The following GRID1 variants were observed in gnomAD, a reference collection of about 807,000 sequenced individuals.
GRID1 encodes glutamate ionotropic receptor delta type subunit 1, also known as glutamate receptor ionotropic, delta-1.
In GRID1, 28 loss-of-function variants were observed where a neutral mutation model predicts 98.0. The observed-to-expected ratio is 0.29, with a 90% CI of 0.21 to 0.39. The LOEUF (loss-of-function observed/expected upper bound fraction) is 0.39, where lower values mean the gene tolerates loss of function less well. Among genes scored for constraint, GRID1 ranks in the 10% least tolerant of loss-of-function variants. GRID1 has a pLI of 1.00. For missense variants in GRID1, 1,111 were observed against 1,340.5 expected, an observed-to-expected ratio of 0.83 and a Z score of 2.67; for synonymous variants, 553 against 538.5, an observed-to-expected ratio of 1.03 and a Z score of -0.37.
chr10:86,076,714 C>T (rs1404200274), intron 4 of GRID1, among the ~76,000 whole-genome samples: 1 of 152,128 alleles, frequency 6.6e-6, no homozygotes, highest in Admixed American at 6.5e-5. Context: ...TTAGGTGAGG[C>T]CCACCCACAT....
chr10:85,686,765 T>C (rs1289967028), intron 12 of GRID1, among the ~76,000 whole-genome samples: 1 of 151,968 alleles, frequency 6.6e-6, no homozygotes, highest in Non-Finnish European at 1.5e-5. Context: ...ATATATATTT[T>C]TGTTTGTTAT....
At chr10:85,915,346 GCACA>G (rs1049030672) in intron 5 of GRID1, among the ~76,000 whole-genome samples, 2 of 151,826 alleles carry the variant, frequency 1.3e-5, no homozygotes, top group African/African-American at 4.8e-5. Context: ...ACACACTCAT[GCACA>G]CACACTCATA....
chr10:85,599,802 A>AAAAAAAAAAAAATATATAT lies in GRID1; in HGVS notation c.*2470_*2471insATATATATTTTTTTTTTTT. On this transcript the variant is annotated 3_prime_UTR_variant, in exon 16 of 16. Coordinates refer to ENST00000327946, the MANE Select transcript of GRID1 (RefSeq NM_017551.3). ...GTAGAAAATTCTAAAAAAAAAAAAA[A>AAAAAAAAAAAAATATATAT]ATATATATATATATATATAAACATG... The AAAAAAAAAAAAATATATAT allele has an allele frequency of 1.8e-4, 12 of 64,972 alleles. No homozygotes were observed. In the East Asian group the frequency reaches 2.1e-3, roughly 12 times the overall value. 4.0% of individuals were successfully genotyped at this position (64,972 alleles called of 1,614,324 possible).
rs149198936 is a variant in GRID1, at chr10:85,721,465, T to C, written c.1997+1538A>G. Among the ~76,000 whole-genome samples, 54 of 152,336 alleles carry C rather than the reference T, an allele frequency of 3.5e-4. 1 individual carries two copies. The highest frequency in any genetic ancestry group is 1.9e-3 in the Admixed American group (29 of 15,306). ...ACCCAGATGTCCTCCAATGGGGGAA[T>C]AGTTAGACAAACTGTGGTATATGTG... is the stretch of plus-strand genomic sequence containing the variant. On this transcript the variant is annotated intron_variant, in intron 12 of 15. Coordinates refer to ENST00000327946, the MANE Select transcript of GRID1 (RefSeq NM_017551.3).
At chr10:85,804,987 G>C (rs1465633527) in intron 8 of GRID1, among the ~76,000 whole-genome samples, 1 of 151,638 alleles carries the variant, frequency 6.6e-6, no homozygotes, top group Non-Finnish European at 1.5e-5. Flanking sequence ...AAGGAAAAAA[G>C]AGGATGGGAG....
chr10:86,192,057 C>T lies in GRID1; in HGVS notation c.520+14307G>A, dbSNP rs1408885278. Among the ~76,000 whole-genome samples, 1 of 152,110 alleles carries T rather than the reference C, an allele frequency of 6.6e-6. No individual in the cohort carries two copies. Among genetic ancestry groups the T allele is most frequent in the Non-Finnish European group, 1.5e-5 (1 of 68,022 alleles). On this transcript the variant is annotated intron_variant, in intron 3 of 15. Coordinates refer to ENST00000327946, the MANE Select transcript of GRID1 (RefSeq NM_017551.3). The surrounding 1 kb of genome is among the most constrained non-coding windows in gnomAD (Gnocchi z 4.8). ...GAGACATTCAGGGGTCTAAGCAGGGCAGTGAGTTAAGGAAGGTGACTTTGG... is the reference window on the plus strand; with the variant it reads ...GAGACATTCAGGGGTCTAAGCAGGGTAGTGAGTTAAGGAAGGTGACTTTGG...
At chr10:86,305,612 C>G (rs1006933979) in intron 2 of GRID1, among the ~76,000 whole-genome samples, 1 of 152,126 alleles carries the variant, frequency 6.6e-6, no homozygotes, top group African/African-American at 2.4e-5. Context: ...TGCATGCAGA[C>G]ATTTCTCGGT....
At chr10:86,210,464 G>A (rs894689902) in intron 2 of GRID1, among the ~76,000 whole-genome samples, 5 of 152,222 alleles carry the variant, frequency 3.3e-5, no homozygotes, top group Admixed American at 3.3e-4. Context: ...CTGATAGCAA[G>A]TGCCAATGCC....
In GRID1 at chr10:86,335,287, T is replaced by A. The variant is rs955133088; in HGVS notation, c.235+28654A>T. On this transcript the variant is annotated intron_variant, in intron 2 of 15. Transcript: ENST00000327946. ...GTGCTGGGCACTCTGTGGGGTATTT[T>A]ACCTATGCTGCCTTGGCATTTCCAA... Among the ~76,000 whole-genome samples the A allele has an allele frequency of 2.0e-5, 3 of 152,242 alleles. No homozygotes were observed. The South Asian group carries it at 6.2e-4, about 32-fold the overall frequency.
intron 2 of GRID1, among the ~76,000 whole-genome samples, chr10:86,228,859 A>G (rs1040780248): frequency 9.9e-5 from 15 of 152,174 alleles, no homozygotes; most frequent in African/African-American, 3.6e-4. Flanking sequence ...CTGGGACCCC[A>G]GGAGGGACCC....
chr10:86,032,206 G>T (rs1426321269), intron 4 of GRID1, among the ~76,000 whole-genome samples: 5 of 152,158 alleles, frequency 3.3e-5, no homozygotes, highest in Non-Finnish European at 5.9e-5. Flanking sequence ...GGAGGGAGGT[G>T]GGGGGGCAGC....
intron 2 of GRID1, among the ~76,000 whole-genome samples, chr10:86,209,940 T>A (rs1846083925): frequency 6.6e-6 from 1 of 152,132 alleles, no homozygotes; most frequent in Admixed American, 6.5e-5. Context: ...GCTCCTGCCC[T>A]CCTTGTCTCA....
chr10:86,074,223 T>C (rs1243284789), intron 4 of GRID1, among the ~76,000 whole-genome samples: 1 of 152,212 alleles, frequency 6.6e-6, no homozygotes, highest in Non-Finnish European at 1.5e-5. Context: ...TTGTTAAGTA[T>C]AGTCACCCTG....
At chr10:86,046,837 T>C (rs1171706863) in intron 4 of GRID1, among the ~76,000 whole-genome samples, 1 of 130,224 alleles carries the variant, frequency 7.7e-6, no homozygotes, top group Non-Finnish European at 1.6e-5. Flanking sequence ...CCAACAATAA[T>C]GCCACAAATT....
In GRID1 at chr10:86,206,344, T is replaced by G; in HGVS notation, c.520+20A>C. 1 of 1,572,280 alleles carries G rather than the reference T, an allele frequency of 6.4e-7. No individual in the cohort carries two copies. The highest frequency in any genetic ancestry group is 8.7e-7 in the Non-Finnish European group (1 of 1,155,944). On this transcript the variant is annotated intron_variant, in intron 3 of 15. Transcript: ENST00000327946. The surrounding 1 kb of genome is among the most constrained non-coding windows in gnomAD (Gnocchi z 4.1). ...ATCCCTGTCCCCAAGCAGCCCCAGC[T>G]CGCCTGCCGGACAACTCACCATACT...
At chr10:86,005,757 A>C (rs1328420842) in intron 4 of GRID1, among the ~76,000 whole-genome samples, 2 of 152,246 alleles carry the variant, frequency 1.3e-5, no homozygotes, top group Non-Finnish European at 2.9e-5. Flanking sequence ...TTTGGGGGAT[A>C]GCTCACAGTA....
At chr10:85,949,052 G>A (rs1842086008) in intron 4 of GRID1, among the ~76,000 whole-genome samples, 1 of 152,128 alleles carries the variant, frequency 6.6e-6, no homozygotes, top group African/African-American at 2.4e-5. Context: ...GGGTGGAGAG[G>A]ACAAAGGAAG....
intron 4 of GRID1, among the ~76,000 whole-genome samples, chr10:86,116,097 A>G (rs1221242472): frequency 6.6e-6 from 1 of 152,210 alleles, no homozygotes; most frequent in South Asian, 2.1e-4. Context: ...TGGGGTTCGT[A>G]CAATGATGAC....
At chr10:85,618,438 T>C (rs1842817901) in intron 14 of GRID1, among the ~76,000 whole-genome samples, 1 of 152,184 alleles carries the variant, frequency 6.6e-6, no homozygotes, top group Non-Finnish European at 1.5e-5. Flanking sequence ...TTATAAATCC[T>C]GGAGAGAAGC....
Sources: allele counts gnomAD v4.1 joint callset (sites outside exome capture counted in the v4.1 genomes callset), GRCh38; gene constraint gnomAD v4.1.1; non-coding constraint Gnocchi (gnomAD v3.1); transcripts MANE v1.5; gene names NCBI Gene and HGNC (gene_info 2026-07-23, HGNC 2026-07-21).